The following PTPRZ1 variants were observed in gnomAD, a reference collection of about 807,000 sequenced individuals.
PTPRZ1 encodes the protein receptor-type tyrosine-protein phosphatase zeta.
Under a neutral mutation model 214.1 loss-of-function variants are expected in PTPRZ1, and 82 were observed. That is an observed-to-expected ratio of 0.38 (90% CI 0.32 to 0.46). PTPRZ1 has a LOEUF of 0.46. Among genes scored for constraint, PTPRZ1 ranks in the 20% least tolerant of loss-of-function variants. The probability of loss-of-function intolerance (pLI) is 1.00; values close to 1 mark genes in which losing one functional copy is unlikely to be tolerated. For missense variants in PTPRZ1, 2,603 were observed against 2,748.7 expected, an observed-to-expected ratio of 0.95 and a Z score of 1.19; for synonymous variants, 945 against 987.9, an observed-to-expected ratio of 0.96 and a Z score of 0.81.
intron 18 of PTPRZ1, among the ~76,000 whole-genome samples, chr7:122,037,889 A>G (rs1198258753): frequency 6.6e-6 from 1 of 152,176 alleles, no homozygotes; most frequent in African/African-American, 2.4e-5. Context: ...TAGTCTATGA[A>G]GGACACTGCT....
At chr7:121,969,353 G>A (rs759536011) in intron 3 of PTPRZ1, among the ~76,000 whole-genome samples, 1 of 152,132 alleles carries the variant, frequency 6.6e-6, no homozygotes, top group Admixed American at 6.5e-5. Context: ...CCTGAGGTCA[G>A]GAGTTCAAGA....
chr7:121,918,847 T>TA (rs1795500179), intron 1 of PTPRZ1, among the ~76,000 whole-genome samples: 5 of 80,550 alleles, frequency 6.2e-5, no homozygotes, highest in African/African-American at 4.4e-4. Flanking sequence ...CATGTATATT[T>TA]CAAAAAAAAT....
At chr7:122,059,984 T>G in intron 29 of PTPRZ1, 96 bp downstream of exon 29, 1 of 1,196,490 alleles carries the variant, frequency 8.4e-7, no homozygotes, top group Non-Finnish European at 1.2e-6. Flanking sequence ...AAGATCTTAT[T>G]AACTGATAAC....
intron 8 of PTPRZ1, among the ~76,000 whole-genome samples, chr7:121,993,584 A>AAC (rs1184981155): frequency 6.6e-6 from 1 of 151,438 alleles, no homozygotes; most frequent in African/African-American, 2.4e-5. Context: ...AAAAAAAAAA[A>AAC]AAAAAAAAAA....
chr7:121,913,432 C>A (rs184109868), intron 1 of PTPRZ1, among the ~76,000 whole-genome samples: 3 of 152,198 alleles, frequency 2.0e-5, no homozygotes, highest in East Asian at 3.8e-4. Flanking sequence ...GTTTGAGAAG[C>A]TTTGCATTAG....
chr7:121,995,689 T>C (rs948028621), intron 8 of PTPRZ1, among the ~76,000 whole-genome samples: 1 of 152,350 alleles, frequency 6.6e-6, no homozygotes, highest in South Asian at 2.1e-4. Context: ...AATGGGATTT[T>C]TGTCAGCACG....
intron 2 of PTPRZ1, chr7:121,966,801 G>A (rs1563041438): frequency 6.6e-6 from 1 of 152,142 alleles, no homozygotes; most frequent in Non-Finnish European, 1.5e-5. Flanking sequence ...AGTTCTCACT[G>A]ACTCACTTAT....
At position 121,969,964 on chromosome 7, in the gene PTPRZ1, G is replaced by A. The variant is rs563617648; in HGVS notation, c.304+1834G>A. On this transcript the variant is annotated intron_variant, in intron 3 of 29. Transcript: ENST00000393386. ...TATCCCTCCCCCCTCCCCCCACCCC[G>A]CAACAGGCCCAGGTGTGTGATGTTC... Among the ~76,000 whole-genome samples, 657 of 94,542 alleles carry A rather than the reference G, an allele frequency of 6.9e-3. 4 individuals are homozygous for A. Among genetic ancestry groups the A allele is most frequent in the Middle Eastern group, 0.03 (3 of 100 alleles). 62.0% of individuals were successfully genotyped at this position (94,542 alleles called of 152,430 possible). A position where few individuals can be genotyped will look rare whatever the true frequency, so the allele number is the denominator to read the frequency against.
At chr7:121,903,842 AG>A (rs1795038960) in intron 1 of PTPRZ1, among the ~76,000 whole-genome samples, 1 of 152,198 alleles carries the variant, frequency 6.6e-6, no homozygotes. Context: ...TATGGCACAT[AG>A]TATACATTCT....
chr7:122,028,490 C>A, intron 13 of PTPRZ1, 62 bp from the exon 14 acceptor site: 1 of 1,286,426 alleles, frequency 7.8e-7, no homozygotes, highest in South Asian at 1.3e-5. Flanking sequence ...TTTCAAGCAG[C>A]TCAGAAATTG....
chr7:121,953,847 C>G (rs1015690234), intron 2 of PTPRZ1, among the ~76,000 whole-genome samples: 1 of 152,088 alleles, frequency 6.6e-6, no homozygotes, highest in African/African-American at 2.4e-5. Context: ...CCATCTGAAC[C>G]TAATGCATCA....
chr7:121,889,777 A>T (rs563339006), intron 1 of PTPRZ1, among the ~76,000 whole-genome samples: 17 of 152,266 alleles, frequency 1.1e-4, no homozygotes, highest in African/African-American at 4.1e-4. Flanking sequence ...ATACCTTATC[A>T]GTCTCACCAG....
At chr7:121,879,217 C>T (rs1301511864) in intron 1 of PTPRZ1, among the ~76,000 whole-genome samples, 1 of 152,172 alleles carries the variant, frequency 6.6e-6, no homozygotes, top group Non-Finnish European at 1.5e-5. Context: ...CTTGAGTGAG[C>T]TTTTAATTCT....
intron 15 of PTPRZ1, among the ~76,000 whole-genome samples, chr7:122,033,086 A>C (rs1255695025): frequency 6.6e-6 from 1 of 152,042 alleles, no homozygotes; most frequent in Non-Finnish European, 1.5e-5. Context: ...TAAGCAGTCC[A>C]AAATAATTAA....
At chr7:122,031,783 TA>T (rs930948120) in intron 15 of PTPRZ1, 16 of 274,902 alleles carry the variant, frequency 5.8e-5, no homozygotes, top group Non-Finnish European at 1.1e-4. Context: ...GGTGGAAACA[TA>T]AAAAACATTG....
At chr7:121,972,131 G>T (rs1336124077) in intron 3 of PTPRZ1, among the ~76,000 whole-genome samples, 1 of 151,882 alleles carries the variant, frequency 6.6e-6, no homozygotes, top group African/African-American at 2.4e-5. Context: ...CTGAAAATAG[G>T]AAGGTGAGAG....
intron 13 of PTPRZ1, 111 bp downstream of exon 13, chr7:122,019,379 G>A: frequency 1.8e-6 from 2 of 1,083,448 alleles, no homozygotes; most frequent in Non-Finnish European, 2.7e-6. Context: ...CCTGAGAGCT[G>A]CCATTAATTT....
chr7:121,919,113 A>T (rs1795515685), intron 1 of PTPRZ1, among the ~76,000 whole-genome samples: 1 of 152,064 alleles, frequency 6.6e-6, no homozygotes, highest in South Asian at 2.1e-4. Context: ...TTGTCAACTC[A>T]CTTCCCAGAA....
intron 1 of PTPRZ1, among the ~76,000 whole-genome samples, chr7:121,890,296 C>A (rs1383819038): frequency 6.6e-6 from 1 of 152,178 alleles, no homozygotes; most frequent in Non-Finnish European, 1.5e-5. Context: ...ATAACAACTG[C>A]ACTCAGTTGT....
Sources: gnomAD v4.1 joint callset for allele counts (sites outside exome capture counted in the v4.1 genomes callset) on GRCh38, gnomAD v4.1.1 for gene constraint, MANE v1.5 for transcripts, NCBI Gene and HGNC (gene_info 2026-07-23, HGNC 2026-07-21) for gene names.